The following SNTG2 variants were observed in gnomAD, a reference collection of about 807,000 sequenced individuals.
The protein encoded by SNTG2 is syntrophin gamma 2, also known as gamma-2-syntrophin.
SNTG2 carries 74 observed loss-of-function variants against 70.9 expected under a neutral mutation model. The ratio of observed to expected loss-of-function variants is 1.04; its 90% CI spans 0.86 to 1.27. The LOEUF (loss-of-function observed/expected upper bound fraction) is 1.27, where lower values mean the gene tolerates loss of function less well. Ranked by LOEUF, SNTG2 falls within the 50% of genes most tolerant of loss-of-function variation. SNTG2 has a pLI of 0.00. For missense variants in SNTG2, 717 were observed against 690.7 expected (o/e 1.04, Z -0.43); for synonymous variants, 278 against 273.8 (o/e 1.02, Z -0.15).
chr2:1,066,950 C>G (rs746456647), intron 1 of SNTG2, among the ~76,000 whole-genome samples: 1 of 152,156 alleles, frequency 6.6e-6, no homozygotes, highest in Non-Finnish European at 1.5e-5. Flanking sequence ...TGCAAAACTT[C>G]GTGACCCAGC....
chr2:954,035 G>C (rs1660065341), intron 1 of SNTG2, among the ~76,000 whole-genome samples: 1 of 152,152 alleles, frequency 6.6e-6, no homozygotes. Flanking sequence ...GGTATATTCA[G>C]GATAGACTTA....
At chr2:1,167,821 C>G in intron 7 of SNTG2, among the ~76,000 whole-genome samples, 1 of 122,000 alleles carries the variant, frequency 8.2e-6, no homozygotes, top group African/African-American at 3.6e-5. Context: ...CTGAAGCCTA[C>G]AGGCCGCCCA....
chr2:1,252,190 A>G (rs151068266), intron 12 of SNTG2, among the ~76,000 whole-genome samples: 1 of 152,278 alleles, frequency 6.6e-6, no homozygotes, highest in East Asian at 1.9e-4. Context: ...GGATCTGGAT[A>G]ATTTGTACTT....
At chr2:1,156,344 G>A (rs1669896649) in intron 6 of SNTG2, among the ~76,000 whole-genome samples, 1 of 152,118 alleles carries the variant, frequency 6.6e-6, no homozygotes, top group African/African-American at 2.4e-5. Flanking sequence ...CTCAGACACG[G>A]CAAGTCGGCA....
At chr2:1,193,744 A>G (rs1271069712) in intron 8 of SNTG2, among the ~76,000 whole-genome samples, 1 of 152,236 alleles carries the variant, frequency 6.6e-6, no homozygotes, top group African/African-American at 2.4e-5. Flanking sequence ...TTATTTTTAT[A>G]AAGACCAAGA....
chr2:1,243,755 G>C (rs28648720), intron 11 of SNTG2, among the ~76,000 whole-genome samples: 13 of 152,124 alleles, frequency 8.5e-5, no homozygotes, highest in Non-Finnish European at 1.9e-4. Flanking sequence ...AAGGAAACTC[G>C]ACAGTATGTG....
chr2:982,399 G>A (rs560325784), intron 1 of SNTG2, among the ~76,000 whole-genome samples: 23 of 152,178 alleles, frequency 1.5e-4, no homozygotes, highest in African/African-American at 2.2e-4. Flanking sequence ...ACACCCCCTC[G>A]GTACACGGAG....
At chr2:1,055,896 G>C (rs527740526) in intron 1 of SNTG2, among the ~76,000 whole-genome samples, 1 of 152,296 alleles carries the variant, frequency 6.6e-6, no homozygotes, top group East Asian at 1.9e-4. Flanking sequence ...GGGCACGACT[G>C]AATGCAAATT....
At chr2:988,479 A>G (rs570812264) in intron 1 of SNTG2, among the ~76,000 whole-genome samples, 4 of 152,216 alleles carry the variant, frequency 2.6e-5, no homozygotes, top group East Asian at 1.9e-4. Context: ...GCTTATCGCA[A>G]TGCTTCCAAA....
intron 15 of SNTG2, among the ~76,000 whole-genome samples, chr2:1,314,803 A>T (rs374818420): frequency 2.6e-5 from 4 of 152,226 alleles, no homozygotes; most frequent in Non-Finnish European, 2.9e-5. Context: ...AGGCAAAGGA[A>T]GAGCAAAGGC....
chr2:1,288,819 A>G (rs1410590044), intron 14 of SNTG2, among the ~76,000 whole-genome samples: 9 of 152,104 alleles, frequency 5.9e-5, no homozygotes, highest in African/African-American at 1.9e-4. Flanking sequence ...CTCATGCCAC[A>G]CCCACTTTTG....
chr2:1,182,892 A>G (rs569651044), intron 8 of SNTG2, among the ~76,000 whole-genome samples: 3 of 152,242 alleles, frequency 2.0e-5, no homozygotes, highest in Non-Finnish European at 2.9e-5. Context: ...AGCTGGGGCT[A>G]TAGGTGTGCG....
intron 8 of SNTG2, among the ~76,000 whole-genome samples, chr2:1,194,720 A>C (rs1382957175): frequency 1.3e-5 from 2 of 152,136 alleles, no homozygotes; most frequent in Non-Finnish European, 2.9e-5. Flanking sequence ...TTGTCTGCTG[A>C]TCAGGCTTAT....
At chr2:951,446 G>A (rs1437689652) in intron 1 of SNTG2, among the ~76,000 whole-genome samples, 1 of 152,260 alleles carries the variant, frequency 6.6e-6, no homozygotes, top group South Asian at 2.1e-4. Flanking sequence ...CCAGGCGGTG[G>A]CTCGGACCGG....
intron 1 of SNTG2, among the ~76,000 whole-genome samples, chr2:1,022,246 G>A (rs573611396): frequency 4.3e-4 from 66 of 151,960 alleles, no homozygotes; most frequent in Middle Eastern, 3.4e-3. Flanking sequence ...GAGTCCCTGC[G>A]TTCCCATGAA....
chr2:1,067,972 G>GA (rs1191074080), intron 1 of SNTG2, among the ~76,000 whole-genome samples: 2 of 152,152 alleles, frequency 1.3e-5, no homozygotes, highest in African/African-American at 4.8e-5. Context: ...GTGACACTTA[G>GA]ATCCTCTGCA....
chr2:1,080,285 G>A (rs975016049), intron 1 of SNTG2, among the ~76,000 whole-genome samples: 1 of 152,166 alleles, frequency 6.6e-6, no homozygotes, highest in Admixed American at 6.5e-5. Context: ...GGATGATATG[G>A]CCTCTGTATG....
chr2:1,083,414 C>A, intron 1 of SNTG2, 104 bp from the exon 2 acceptor site: 1 of 1,183,328 alleles, frequency 8.5e-7, no homozygotes, highest in Non-Finnish European at 1.2e-6. Context: ...GAGCACTACA[C>A]GTGCATTTTA....
intron 1 of SNTG2, among the ~76,000 whole-genome samples, chr2:1,005,397 G>A (rs908952207): frequency 5.3e-5 from 8 of 152,038 alleles, no homozygotes; most frequent in Non-Finnish European, 1.0e-4. Flanking sequence ...TGATAATGAA[G>A]GGGCTGTGCA....
Sources: allele counts gnomAD v4.1 joint callset (sites outside exome capture counted in the v4.1 genomes callset), GRCh38; gene constraint gnomAD v4.1.1; transcripts MANE v1.5; gene names NCBI Gene and HGNC (gene_info 2026-07-23, HGNC 2026-07-21).